MTBP: variants seen among roughly 807,000 people sequenced by gnomAD.
MTBP encodes MDM2 binding protein, also known as mdm2-binding protein.
Under a neutral mutation model 117.0 loss-of-function variants are expected in MTBP, and 101 were observed. The observed-to-expected ratio is 0.86, with a 90% CI of 0.73 to 1.02. MTBP has a LOEUF of 1.02. MTBP is among the 50% of genes least tolerant of loss of function. The probability of loss-of-function intolerance (pLI) is 0.00; values close to 1 mark genes in which losing one functional copy is unlikely to be tolerated. For missense variants in MTBP, 970 were observed against 1,030.9 expected (o/e 0.94, Z 0.81); for synonymous variants, 350 against 351.5 (o/e 1.00, Z 0.05).
chr8:120,451,913 T>C (rs1024785044), intron 4 of MTBP: 4 of 152,330 alleles, frequency 2.6e-5, no homozygotes, highest in East Asian at 3.9e-4. Context: ...TGAATAGAAA[T>C]GTTATTTAAT....
At chr8:120,491,912 A>T (rs915668182) in intron 13 of MTBP, among the ~76,000 whole-genome samples, 1 of 152,206 alleles carries the variant, frequency 6.6e-6, no homozygotes, top group African/African-American at 2.4e-5. Flanking sequence ...TGGGAAGGGA[A>T]ATATGACAGC....
chr8:120,512,192 G>A (rs1005886942), intron 17 of MTBP, among the ~76,000 whole-genome samples: 1 of 152,070 alleles, frequency 6.6e-6, no homozygotes, highest in African/African-American at 2.4e-5. Flanking sequence ...GAAAAGTAGC[G>A]TTCACTGTTG....
chr8:120,470,204 A>C (rs117839839), intron 10 of MTBP, among the ~76,000 whole-genome samples: 4 of 152,228 alleles, frequency 2.6e-5, no homozygotes, highest in Non-Finnish European at 5.9e-5. Flanking sequence ...TTTAATAAGC[A>C]TCTGTATCCC....
At chr8:120,488,960 G>A (rs1203976298) in intron 12 of MTBP, among the ~76,000 whole-genome samples, 1 of 150,170 alleles carries the variant, frequency 6.7e-6, no homozygotes, top group East Asian at 1.9e-4. Flanking sequence ...GAACAGATGA[G>A]GTCTGATTTT....
intron 8 of MTBP, among the ~76,000 whole-genome samples, chr8:120,459,577 T>G (rs764700071): frequency 3.4e-4 from 52 of 152,222 alleles, no homozygotes; most frequent in Non-Finnish European, 7.3e-5. Context: ...TAAATGTGTA[T>G]AGTCCTGAAA....
rs1181350583 is a variant in MTBP, at chr8:120,446,624, G to A, written c.199+111G>A. 11 of 693,758 alleles carry A rather than the reference G, an allele frequency of 1.6e-5. No homozygotes were observed. In the African/African-American group the frequency reaches 1.8e-4, roughly 11 times the overall value. 43.0% of individuals were successfully genotyped at this position (693,758 alleles called of 1,614,324 possible). A position where few individuals can be genotyped will look rare whatever the true frequency, so the allele number is the denominator to read the frequency against. ...GAAATACTTCTTGACTGTGTACAAG[G>A]CACTGAGTTACAGAGATAACTAAGG... On this transcript the variant is annotated intron_variant, in intron 2 of 21. Coordinates refer to ENST00000305949, the MANE Select transcript of MTBP (RefSeq NM_022045.5).
At chr8:120,521,272 C>CT (rs912128763) in intron 20 of MTBP, among the ~76,000 whole-genome samples, 1 of 152,000 alleles carries the variant, frequency 6.6e-6, no homozygotes, top group Non-Finnish European at 1.5e-5. Flanking sequence ...ATGAAAAAAG[C>CT]TAACAGGTAG....
intron 16 of MTBP, among the ~76,000 whole-genome samples, chr8:120,508,662 AG>A (rs1563804301): frequency 6.6e-6 from 1 of 152,146 alleles, no homozygotes; most frequent in Non-Finnish European, 1.5e-5. Context: ...CCAATGCCAT[AG>A]GGGGGAAAAT....
chr8:120,450,398 A>G (rs186991484), intron 2 of MTBP, among the ~76,000 whole-genome samples: 2 of 152,328 alleles, frequency 1.3e-5, no homozygotes, highest in East Asian at 1.9e-4. Context: ...GCTTCCTTCC[A>G]TTAGTTAAGC....
At chr8:120,465,627 A>G (rs1234891268) in intron 10 of MTBP, among the ~76,000 whole-genome samples, 2 of 151,456 alleles carry the variant, frequency 1.3e-5, no homozygotes, top group Non-Finnish European at 2.9e-5. Context: ...GAAATTTTAC[A>G]GAGAAATTTG....
At chr8:120,522,541 A>T in intron 20 of MTBP, 113 bp from the exon 21 acceptor site, 1 of 699,082 alleles carries the variant, frequency 1.4e-6, no homozygotes, top group Non-Finnish European at 2.3e-6. Flanking sequence ...GTCCCTAATC[A>T]CATTAATACG....
intron 13 of MTBP, among the ~76,000 whole-genome samples, chr8:120,496,496 C>T (rs1432517414): frequency 3.3e-5 from 5 of 152,160 alleles, no homozygotes; most frequent in Non-Finnish European, 7.4e-5. Context: ...CTACCCCTAA[C>T]TCCACCCCTT....
chr8:120,515,344 A>G (rs1001202841), intron 17 of MTBP, among the ~76,000 whole-genome samples: 6 of 152,026 alleles, frequency 3.9e-5, no homozygotes, highest in Non-Finnish European at 7.4e-5. Flanking sequence ...CTGACATTTC[A>G]TTGATGCCCT....
rs1366951168 is a variant in MTBP, at chr8:120,523,619, CAG to C, written c.*285_*286del. 8 of 177,878 alleles carry C rather than the reference CAG, an allele frequency of 4.5e-5. No individual in the cohort carries two copies. The East Asian group carries it at 5.3e-4, about 12-fold the overall frequency. 11.0% of individuals were successfully genotyped at this position (177,878 alleles called of 1,614,324 possible). A position where few individuals can be genotyped will look rare whatever the true frequency, so the allele number is the denominator to read the frequency against. On this transcript the variant is annotated 3_prime_UTR_variant, in exon 22 of 22. Coordinates refer to ENST00000305949, the MANE Select transcript of MTBP (RefSeq NM_022045.5). ...ACTCTTATTTAATTATTACAATAAACAGAATTTTTTTTTTTTACTTTTTGGAT... is the reference window on the plus strand; with the variant it reads ...ACTCTTATTTAATTATTACAATAAACAATTTTTTTTTTTTACTTTTTGGAT...
intron 14 of MTBP, among the ~76,000 whole-genome samples, chr8:120,501,558 G>GAA (rs202002423): frequency 1.0e-5 from 1 of 97,470 alleles, no homozygotes; most frequent in Non-Finnish European, 2.3e-5. Flanking sequence ...TCTGGAAAAA[G>GAA]AAAAAAAAAA....
chr8:120,457,064 A>G (rs930205243), intron 7 of MTBP, among the ~76,000 whole-genome samples: 6 of 152,192 alleles, frequency 3.9e-5, no homozygotes, highest in African/African-American at 7.2e-5. Flanking sequence ...ACTACTAGAA[A>G]AAACTACTTA....
chr8:120,512,118 G>A (rs1586972208), intron 17 of MTBP, among the ~76,000 whole-genome samples: 1 of 152,058 alleles, frequency 6.6e-6, no homozygotes, highest in East Asian at 1.9e-4. Context: ...AAAATTTTAG[G>A]TATTTTGTAT....
intron 11 of MTBP, among the ~76,000 whole-genome samples, chr8:120,484,880 C>A (rs1031068944): frequency 2.6e-5 from 4 of 152,168 alleles, no homozygotes; most frequent in Admixed American, 2.0e-4. Flanking sequence ...CTGTTCTGGA[C>A]ATGTCATGGA....
chr8:120,499,132 A>G (rs556936286), intron 14 of MTBP, among the ~76,000 whole-genome samples: 1 of 152,308 alleles, frequency 6.6e-6, no homozygotes, highest in South Asian at 2.1e-4. Flanking sequence ...TAAAAACCTT[A>G]AATGGTATCT....
Sources: allele counts gnomAD v4.1 joint callset (sites outside exome capture counted in the v4.1 genomes callset), GRCh38; gene constraint gnomAD v4.1.1; transcripts MANE v1.5; gene names NCBI Gene and HGNC (gene_info 2026-07-23, HGNC 2026-07-21).